Variants in OLFM3 observed in about 807,000 individuals in gnomAD.
The protein encoded by OLFM3 is noelin-3.
A neutral mutation model predicts 48.6 loss-of-function variants in OLFM3; 20 were observed. The observed-to-expected ratio is 0.41, with a 90% CI of 0.29 to 0.60. The LOEUF is 0.60. Among genes scored for constraint, OLFM3 ranks in the 20% least tolerant of loss-of-function variants. OLFM3 has a pLI of 0.28. For synonymous variants in OLFM3, 222 were observed against 198.1 expected (o/e 1.12, Z -1.01); for missense variants, 437 against 544.3 (o/e 0.80, Z 1.96).
At chr1:101,969,359 G>T (rs1261696704) in intron 1 of OLFM3, among the ~76,000 whole-genome samples, 2 of 150,986 alleles carry the variant, frequency 1.3e-5, no homozygotes, top group Non-Finnish European at 2.9e-5. Flanking sequence ...TAGAGGCAAG[G>T]TTTTGCCATG....
At chr1:101,812,978 T>C (rs960227779) in intron 4 of OLFM3, 3 of 1,035,386 alleles carry the variant, frequency 2.9e-6, no homozygotes, top group Non-Finnish European at 3.6e-6. Flanking sequence ...ATTTATTCAT[T>C]TGACAACCAT....
At chr1:101,986,115 G>T (rs972592985) in intron 1 of OLFM3, among the ~76,000 whole-genome samples, 1 of 151,818 alleles carries the variant, frequency 6.6e-6, no homozygotes, top group African/African-American at 2.4e-5. Flanking sequence ...ACAGGCGCCC[G>T]CCACCACGCC....
Position 101,942,784 on chromosome 1 carries a change from T to G in OLFM3, c.69+53964A>C, listed in dbSNP as rs187271687. On this transcript the variant is annotated intron_variant, in intron 1 of 5. Coordinates refer to ENST00000370103, the MANE Select transcript of OLFM3 (RefSeq NM_058170.4). ...GTGACATTTGAATAATAGCATTGCA[T>G]TAAGAGAAGCCAAATTTCCATTCTT... Among the ~76,000 whole-genome samples the G allele has an allele frequency of 6.0e-3, 915 of 152,320 alleles. 3 individuals are homozygous for G. Among genetic ancestry groups the G allele is most frequent in the Admixed American group, 8.9e-3 (136 of 15,302 alleles).
intron 4 of OLFM3, among the ~76,000 whole-genome samples, chr1:101,813,344 A>G (rs1255140167): frequency 6.6e-6 from 1 of 152,176 alleles, no homozygotes; most frequent in Non-Finnish European, 1.5e-5. Flanking sequence ...ATGTTTAGCC[A>G]TATTTGCCTC....
chr1:101,882,303 C>T, intron 1 of OLFM3, among the ~76,000 whole-genome samples: 1 of 145,170 alleles, frequency 6.9e-6, no homozygotes, highest in South Asian at 2.1e-4. Context: ...TATTTCTACC[C>T]TTAATATAAG....
intron 1 of OLFM3, among the ~76,000 whole-genome samples, chr1:101,886,457 G>A (rs1009228412): frequency 6.6e-6 from 1 of 152,032 alleles, no homozygotes; most frequent in Non-Finnish European, 1.5e-5. Flanking sequence ...ATAAAATAAA[G>A]TGGTGATGTT....
At chr1:101,860,551 C>T (rs11164318) in intron 1 of OLFM3, among the ~76,000 whole-genome samples, 16,950 of 151,762 alleles carry the variant, frequency 0.11, 1,123 homozygotes, top group Non-Finnish European at 0.13. Context: ...TTGAGGAGTC[C>T]GCCCCATAAA....
intron 1 of OLFM3, among the ~76,000 whole-genome samples, chr1:101,955,345 G>C (rs1395031966): frequency 6.6e-6 from 1 of 151,886 alleles, no homozygotes; most frequent in Admixed American, 6.6e-5. Context: ...CTCAAATTAT[G>C]ATATATCTAA....
chr1:101,837,068 T>A, intron 1 of OLFM3, 43 bp from the exon 2 acceptor site: 1 of 1,578,632 alleles, frequency 6.3e-7, no homozygotes, highest in Non-Finnish European at 8.6e-7. Context: ...ACTCCTGTTA[T>A]AGGATAAAAA....
At chr1:101,900,054 G>C (rs1658340794) in intron 1 of OLFM3, among the ~76,000 whole-genome samples, 1 of 152,060 alleles carries the variant, frequency 6.6e-6, no homozygotes, top group Non-Finnish European at 1.5e-5. Context: ...AAATATTATA[G>C]GATATTCCCT....
chr1:101,844,611 G>A (rs1398598287), intron 1 of OLFM3, among the ~76,000 whole-genome samples: 1 of 152,226 alleles, frequency 6.6e-6, no homozygotes, highest in East Asian at 1.9e-4. Flanking sequence ...CATATTTCCA[G>A]CTAAAGTCTT....
At chr1:101,828,022 C>CTG in intron 3 of OLFM3, among the ~76,000 whole-genome samples, 1 of 91,290 alleles carries the variant, frequency 1.1e-5, no homozygotes, top group African/African-American at 3.7e-5. Flanking sequence ...CTCTCTCTCT[C>CTG]TCTCTCTCTC....
intron 4 of OLFM3, 83 bp downstream of exon 4, chr1:101,824,943 G>A: frequency 8.6e-7 from 1 of 1,165,378 alleles, no homozygotes; most frequent in Middle Eastern, 2.9e-4. Flanking sequence ...GATATTTTAT[G>A]ACTCTTTATA....
chr1:101,858,591 G>C (rs1342343117), intron 1 of OLFM3, among the ~76,000 whole-genome samples: 1 of 151,996 alleles, frequency 6.6e-6, no homozygotes, highest in Non-Finnish European at 1.5e-5. Flanking sequence ...GGAGGGGCCT[G>C]GTGGGAGGTG....
At chr1:101,812,675 TG>T in intron 4 of OLFM3, 1 of 985,726 alleles carries the variant, frequency 1.0e-6, no homozygotes, top group Non-Finnish European at 1.2e-6. Flanking sequence ...TGCATCTCTA[TG>T]GCAAAGGGAT....
At chr1:101,811,771 A>G (rs1170594897) in intron 4 of OLFM3, among the ~76,000 whole-genome samples, 1 of 152,196 alleles carries the variant, frequency 6.6e-6, no homozygotes, top group Non-Finnish European at 1.5e-5. Flanking sequence ...TGTGGAAGAC[A>G]GTGTGGCGAT....
intron 1 of OLFM3, among the ~76,000 whole-genome samples, chr1:101,974,515 G>A (rs924398239): frequency 6.6e-6 from 1 of 151,962 alleles, no homozygotes; most frequent in Non-Finnish European, 1.5e-5. Context: ...TGTAACGGTG[G>A]CTCTTCTTTC....
chr1:101,820,480 A>T (rs1370713206), intron 4 of OLFM3, among the ~76,000 whole-genome samples: 1 of 152,134 alleles, frequency 6.6e-6, no homozygotes, highest in Non-Finnish European at 1.5e-5. Flanking sequence ...ACATGATTCA[A>T]TTAAGAACAG....
chr1:101,979,174 C>A (rs990447777), intron 1 of OLFM3, among the ~76,000 whole-genome samples: 5 of 152,098 alleles, frequency 3.3e-5, no homozygotes, highest in African/African-American at 1.2e-4. Context: ...AGGGAATTTT[C>A]AGTGTGGAGT....
Sources: allele counts gnomAD v4.1 joint callset (sites outside exome capture counted in the v4.1 genomes callset), GRCh38; gene constraint gnomAD v4.1.1; transcripts MANE v1.5; gene names NCBI Gene and HGNC (gene_info 2026-07-23, HGNC 2026-07-21).